MEGF6: variants seen among roughly 807,000 people sequenced by gnomAD.
MEGF6 encodes the protein multiple epidermal growth factor-like domains protein 6.
In MEGF6, 184 loss-of-function variants were observed where a neutral mutation model predicts 207.1. That is an observed-to-expected ratio of 0.89 (90% CI 0.79 to 1.00). MEGF6 has a LOEUF of 1.00. MEGF6 is among the 50% of genes least tolerant of loss of function. The pLI is 0.00. For missense variants in MEGF6, 2,282 were observed against 2,202.9 expected (o/e 1.04, Z -0.72); for synonymous variants, 1,038 against 910.0 (o/e 1.14, Z -2.53).
intron 5 of MEGF6, among the ~76,000 whole-genome samples, chr1:3,516,348 C>G (rs1023954651): frequency 6.6e-6 from 1 of 152,246 alleles, no homozygotes; most frequent in East Asian, 1.9e-4. Context: ...ACTGTCAAGT[C>G]TGGCAGTTGC....
intron 14 of MEGF6, 76 bp downstream of exon 14, chr1:3,507,719 C>T (rs577598336): frequency 1.8e-5 from 29 of 1,583,326 alleles, no homozygotes; most frequent in East Asian, 1.3e-4. Flanking sequence ...ACAAGGAGGA[C>T]GTGGAGGGGT....
chr1:3,499,935 C>T lies in MEGF6; in HGVS notation c.2708-11G>A. ...GGCCCTGGGGACACTCTGAGATATG[C>T]AGCCCCGGCCCACAGTCAGCCAGAG... On this transcript the variant is annotated splice_polypyrimidine_tract_variant and intron_variant, in intron 21 of 36. Transcript: ENST00000356575. 1 of 1,550,854 alleles carries T rather than the reference C, an allele frequency of 6.4e-7. No individual in the cohort carries two copies. The highest frequency in any genetic ancestry group is 8.7e-7 in the Non-Finnish European group (1 of 1,148,642).
intron 5 of MEGF6, among the ~76,000 whole-genome samples, chr1:3,516,997 G>A (rs928553624): frequency 8.5e-5 from 13 of 152,238 alleles, no homozygotes; most frequent in African/African-American, 2.9e-4. Context: ...GAGCTGTCCT[G>A]GCCCCCAGGC....
rs563025080 is a variant in MEGF6, at chr1:3,507,262, G to A, written c.1789+533C>T. 3.9e-5 allele frequency among the ~76,000 whole-genome samples: 6 copies of A among 152,314 alleles called. No individual in the cohort carries two copies. The East Asian group carries it at 7.7e-4, about 20-fold the overall frequency. On this transcript the variant is annotated intron_variant, in intron 14 of 36. Transcript: ENST00000356575. The stretch of plus-strand genomic sequence containing the variant: ...TGATACGTTAGCTGCACTCTCCATC[G>A]AAAGAGGCAGAAATGATGAAGTCTG...
At position 3,496,245 on chromosome 1, in the gene MEGF6, C is replaced by T. The variant is rs546536257; in HGVS notation, c.3743-227G>A. 6.4e-4 allele frequency among the ~76,000 whole-genome samples: 98 copies of T among 152,298 alleles called. 1 individual carries two copies. The Middle Eastern group carries it at 0.01, about 16-fold the overall frequency. Reference sequence around the variant, plus strand: ...CCTGCTCTGCAGTGACTCACTGCCACCCCCGCCCACCCCGCCAGCTCTGCT... The same window carrying T: ...CCTGCTCTGCAGTGACTCACTGCCATCCCCGCCCACCCCGCCAGCTCTGCT... On this transcript the variant is annotated intron_variant, in intron 29 of 36. Coordinates refer to ENST00000356575, the MANE Select transcript of MEGF6 (RefSeq NM_001409.4).
At chr1:3,500,519 T>A in intron 21 of MEGF6, 114 bp downstream of exon 21, 1 of 1,397,846 alleles carries the variant, frequency 7.2e-7, no homozygotes, top group Non-Finnish European at 9.5e-7. Context: ...AAAGGCTTCG[T>A]GTGTGTGCGT....
At chr1:3,526,782 C>T (rs541584645) in intron 4 of MEGF6, among the ~76,000 whole-genome samples, 6 of 152,232 alleles carry the variant, frequency 3.9e-5, no homozygotes, top group South Asian at 2.1e-4. Flanking sequence ...CGCTGAGAGC[C>T]GCCAAAGAGT....
At chr1:3,598,721 C>T (rs1480892816) in intron 2 of MEGF6, among the ~76,000 whole-genome samples, 2 of 148,418 alleles carry the variant, frequency 1.3e-5, no homozygotes, top group African/African-American at 5.1e-5. Flanking sequence ...ACGAGCCCCC[C>T]CCCCCCCCCC....
intron 12 of MEGF6, 69 bp downstream of exon 12, chr1:3,509,006 C>T: frequency 7.0e-7 from 1 of 1,436,592 alleles, no homozygotes; most frequent in South Asian, 1.4e-5. Context: ...TGGATGGCAG[C>T]CTAGCCCGAG....
At chr1:3,575,632 A>ATCTTACG (rs1553205173) in intron 4 of MEGF6, among the ~76,000 whole-genome samples, 1,932 of 151,682 alleles carry the variant, frequency 0.013, 39 homozygotes, top group African/African-American at 0.044. Flanking sequence ...AGCAAGTCAC[A>ATCTTACG]TCTTACATGG....
rs201247174 is a variant in MEGF6 at position 3,510,812 on chromosome 1, C to T, written c.1205G>A (p.Arg402Gln). 54 of 1,610,028 alleles carry T rather than the reference C, an allele frequency of 3.4e-5. No individual in the cohort carries two copies. The highest frequency in any genetic ancestry group is 1.6e-4 in the African/African-American group (12 of 75,028). The change falls in exon 10 of 37, where the codon CGG becomes CAG. Residue 402 changes from arginine (R) to glutamine (Q), a missense_variant. Arg to Gln is a conservative substitution (Grantham distance 43). Transcript: ENST00000356575. ...GYECGCYAGY[R>Q]LSADGCGCED... ...ACAGCCGCAGCCATCGGCACTGAGC[C>T]GGTAGCCGGCGTAGCAGCCGCACTC...
intron 4 of MEGF6, among the ~76,000 whole-genome samples, chr1:3,538,635 C>T (rs1016508637): frequency 6.6e-6 from 1 of 151,900 alleles, no homozygotes; most frequent in African/African-American, 2.4e-5. Flanking sequence ...GAGCAGCCCC[C>T]GAGAGCCTGA....
intron 3 of MEGF6, among the ~76,000 whole-genome samples, chr1:3,593,449 C>T (rs1283918196): frequency 6.7e-6 from 1 of 148,816 alleles, no homozygotes; most frequent in African/African-American, 2.5e-5. Context: ...CACCCAGGAC[C>T]CCAGGCCCAG....
chr1:3,589,687 T>C (rs1472418380), intron 3 of MEGF6, among the ~76,000 whole-genome samples: 1 of 152,252 alleles, frequency 6.6e-6, no homozygotes, highest in Non-Finnish European at 1.5e-5. Flanking sequence ...TGCTCACTGC[T>C]ACCCTCTGGG....
intron 1 of MEGF6, among the ~76,000 whole-genome samples, chr1:3,605,141 C>T (rs1644223972): frequency 7.4e-6 from 1 of 134,256 alleles, no homozygotes; most frequent in South Asian, 2.4e-4. Flanking sequence ...CACCCACACA[C>T]AGTCACACAC....
chr1:3,592,465 T>C (rs1243650400), intron 3 of MEGF6, among the ~76,000 whole-genome samples: 2 of 152,006 alleles, frequency 1.3e-5, no homozygotes, highest in South Asian at 2.1e-4. Context: ...CGTCACACCC[T>C]GGCCACAGGA....
At chr1:3,555,789 C>T (rs1004626761) in intron 4 of MEGF6, among the ~76,000 whole-genome samples, 4 of 152,216 alleles carry the variant, frequency 2.6e-5, no homozygotes, top group African/African-American at 7.2e-5. Context: ...GCCGGGCCAG[C>T]GGCGGCATCC....
At chr1:3,538,566 G>T (rs528245243) in intron 4 of MEGF6, among the ~76,000 whole-genome samples, 1 of 152,184 alleles carries the variant, frequency 6.6e-6, no homozygotes, top group East Asian at 1.9e-4. Context: ...CCAGCCCCCA[G>T]GTGAGCCCAC....
chr1:3,579,228 T>C (rs1314434761), intron 4 of MEGF6, among the ~76,000 whole-genome samples: 1 of 152,240 alleles, frequency 6.6e-6, no homozygotes, highest in Non-Finnish European at 1.5e-5. Context: ...GACGAGGCTC[T>C]GCCGCTTTTC....
Sources: gnomAD v4.1 joint callset for allele counts (sites outside exome capture counted in the v4.1 genomes callset) on GRCh38, gnomAD v4.1.1 for gene constraint, MANE v1.5 for transcripts, NCBI Gene and HGNC (gene_info 2026-07-23, HGNC 2026-07-21) for gene names.